Variants in CCDC85A observed in about 807,000 individuals in gnomAD.
CCDC85A encodes coiled-coil domain containing 85A.
CCDC85A carries 38 observed loss-of-function variants against 50.2 expected under a neutral mutation model. The ratio of observed to expected loss-of-function variants is 0.76; its 90% CI spans 0.58 to 0.99. CCDC85A has a LOEUF of 0.99. CCDC85A is among the 50% of genes least tolerant of loss of function. The pLI is 0.00. For missense variants in CCDC85A, 820 were observed against 742.0 expected, an observed-to-expected ratio of 1.11 and a Z score of -1.22; for synonymous variants, 366 against 301.4, an observed-to-expected ratio of 1.21 and a Z score of -2.22.
At position 56,184,808 on chromosome 2, in the gene CCDC85A, GAGA is replaced by G; in HGVS notation, c.187_189del (p.Lys63del). On this transcript the variant is annotated inframe_deletion, in exon 1 of 6. Transcript: ENST00000407595. ...CCGCAGCCTGCGGCGCGCCGAGGCG[GAGA>G]AGGTGAGCGCGATGCTGGACCACAG... is the stretch of plus-strand genomic sequence containing the variant. The G allele has an allele frequency of 6.5e-7, 1 of 1,546,258 alleles. No homozygotes were observed. Among genetic ancestry groups the G allele is most frequent in the South Asian group, 1.2e-5 (1 of 83,760 alleles).
In CCDC85A at chr2:56,301,432, C is replaced by T. The variant is rs4671279; in HGVS notation, c.1241-41447C>T. Among the ~76,000 whole-genome samples the T allele has an allele frequency of 4.1e-3, 620 of 152,230 alleles. 10 individuals carry two copies. The highest frequency in any genetic ancestry group is 0.021 in the Admixed American group (323 of 15,276). Reference sequence around the variant, plus strand: ...ACTATTTTGGCCACTTGTTCTCAATCGTAATTTTTTGAGGCTAAAATCTGG... The same window carrying T: ...ACTATTTTGGCCACTTGTTCTCAATTGTAATTTTTTGAGGCTAAAATCTGG... On this transcript the variant is annotated intron_variant, in intron 2 of 5. Transcript: ENST00000407595.
At chr2:56,298,690 G>A (rs558528714) in intron 2 of CCDC85A, among the ~76,000 whole-genome samples, 21 of 152,286 alleles carry the variant, frequency 1.4e-4, no homozygotes, top group African/African-American at 4.8e-4. Flanking sequence ...AATGGTTTGT[G>A]ATGACATCAC....
At chr2:56,318,667 G>A (rs1277965005) in intron 2 of CCDC85A, among the ~76,000 whole-genome samples, 1 of 151,978 alleles carries the variant, frequency 6.6e-6, no homozygotes, top group Non-Finnish European at 1.5e-5. Flanking sequence ...AGTGTAATTA[G>A]TCAGTTTACT....
At chr2:56,341,846 T>C (rs1005080893) in intron 2 of CCDC85A, among the ~76,000 whole-genome samples, 6 of 152,368 alleles carry the variant, frequency 3.9e-5, no homozygotes, top group African/African-American at 4.8e-5. Context: ...CAAAATTCAT[T>C]CTAACTCTAA....
At chr2:56,360,346 A>C (rs1675463680) in intron 3 of CCDC85A, among the ~76,000 whole-genome samples, 2 of 152,310 alleles carry the variant, frequency 1.3e-5, no homozygotes, top group South Asian at 4.1e-4. Flanking sequence ...GTTGAGGACA[A>C]GTGACTTGCT....
intron 2 of CCDC85A, among the ~76,000 whole-genome samples, chr2:56,317,596 A>C (rs1169425864): frequency 6.6e-6 from 1 of 152,142 alleles, no homozygotes; most frequent in Admixed American, 6.5e-5. Context: ...TTGTATTCAT[A>C]ATTGGAAATT....
chr2:56,185,461 A>C (rs976416569), intron 1 of CCDC85A, among the ~76,000 whole-genome samples: 3 of 152,074 alleles, frequency 2.0e-5, no homozygotes, highest in African/African-American at 7.2e-5. Flanking sequence ...CTCTGCCTTC[A>C]CGTCTTCTCC....
At chr2:56,374,876 C>T (rs879880606) in intron 4 of CCDC85A, among the ~76,000 whole-genome samples, 5 of 152,172 alleles carry the variant, frequency 3.3e-5, no homozygotes, top group South Asian at 2.1e-4. Context: ...GACTCCTCTT[C>T]GGGGTGTTAG....
At chr2:56,261,151 T>G (rs1352477534) in intron 2 of CCDC85A, among the ~76,000 whole-genome samples, 1 of 152,182 alleles carries the variant, frequency 6.6e-6, no homozygotes, top group East Asian at 1.9e-4. Context: ...TTCTCATCTC[T>G]TAAGTGGGGA....
intron 2 of CCDC85A, among the ~76,000 whole-genome samples, chr2:56,240,563 A>G (rs775546117): frequency 5.9e-5 from 9 of 152,172 alleles, no homozygotes; most frequent in East Asian, 1.9e-4. Flanking sequence ...CTTGTAGTCA[A>G]TACCCTCCAC....
Position 56,193,279 on chromosome 2 carries a change from A to G in CCDC85A, c.1079A>G (p.Glu360Gly). Reference protein sequence around the residue: ...HLPRARGTSPEHLKQHYGGSP... With the variant: ...HLPRARGTSPGHLKQHYGGSP... ...CCCAGAGCCAGGGGCACCAGCCCGG[A>G]GCACCTCAAACAACATTATGGAGGG... Residue 360 changes from glutamate to glycine, a missense_variant, in exon 2 of 6, where the codon GAG becomes GGG. Glu to Gly is a moderately conservative substitution (Grantham distance 98). Transcript: ENST00000407595. 1 of 1,613,894 alleles carries G rather than the reference A, an allele frequency of 6.2e-7. No homozygotes were observed. The highest frequency in any genetic ancestry group is 1.7e-5 in the Admixed American group (1 of 59,998).
intron 2 of CCDC85A, among the ~76,000 whole-genome samples, chr2:56,327,363 G>T (rs1341259973): frequency 1.3e-5 from 2 of 152,092 alleles, no homozygotes; most frequent in Non-Finnish European, 2.9e-5. Context: ...TGAATTAAAA[G>T]GGAACACTTC....
At chr2:56,372,825 C>G (rs1158786762) in intron 4 of CCDC85A, among the ~76,000 whole-genome samples, 1 of 152,150 alleles carries the variant, frequency 6.6e-6, no homozygotes, top group Non-Finnish European at 1.5e-5. Context: ...TTAAAATTGT[C>G]TACTGACTGA....
rs887999018 is a variant in CCDC85A, at chr2:56,385,033, T to C, written c.*678T>C. On this transcript the variant is annotated 3_prime_UTR_variant, in exon 6 of 6. Coordinates refer to ENST00000407595, the MANE Select transcript of CCDC85A (RefSeq NM_001080433.2). The stretch of plus-strand genomic sequence containing the variant: ...TATCAGAGAGTACCATTTACTTCAA[T>C]TGATCAATATAAATATATCTTTTTT... 5 of 152,270 alleles carry C rather than the reference T, an allele frequency of 3.3e-5. No individual in the cohort carries two copies. The highest frequency in any genetic ancestry group is 1.2e-4 in the African/African-American group (5 of 41,394). 9.4% of individuals were successfully genotyped at this position (152,270 alleles called of 1,614,324 possible). A position where few individuals can be genotyped will look rare whatever the true frequency, so the allele number is the denominator to read the frequency against.
Position 56,384,452 on chromosome 2 carries a change from T to C in CCDC85A, c.*97T>C. 5.2e-6 allele frequency: 5 copies of C among 958,488 alleles called. No individual in the cohort carries two copies. The highest frequency in any genetic ancestry group is 1.9e-5 in the Admixed American group (1 of 51,412). 59.4% of individuals were successfully genotyped at this position (958,488 alleles called of 1,614,324 possible). The stretch of plus-strand genomic sequence containing the variant: ...GTGGGTTTCCACAAACCTGGACTCA[T>C]GGAATAACATGGAGTGATTGTACAT... On this transcript the variant is annotated 3_prime_UTR_variant, in exon 6 of 6. Coordinates refer to ENST00000407595, the MANE Select transcript of CCDC85A (RefSeq NM_001080433.2).
intron 2 of CCDC85A, among the ~76,000 whole-genome samples, chr2:56,201,299 C>T (rs1425588812): frequency 6.6e-6 from 1 of 152,084 alleles, no homozygotes; most frequent in South Asian, 2.1e-4. Context: ...ATATTTTTAG[C>T]ACCAGTTTTG....
chr2:56,256,009 A>G (rs1490499257), intron 2 of CCDC85A, among the ~76,000 whole-genome samples: 1 of 152,122 alleles, frequency 6.6e-6, no homozygotes, highest in Non-Finnish European at 1.5e-5. Flanking sequence ...AGAGATGAAC[A>G]GATGTACATA....
At chr2:56,378,928 G>C (rs1195200115) in intron 5 of CCDC85A, among the ~76,000 whole-genome samples, 3 of 152,152 alleles carry the variant, frequency 2.0e-5, no homozygotes, top group African/African-American at 7.2e-5. Flanking sequence ...TTTATAAACT[G>C]ATATAGATAA....
chr2:56,256,956 A>G (rs1039084827), intron 2 of CCDC85A, among the ~76,000 whole-genome samples: 1 of 152,212 alleles, frequency 6.6e-6, no homozygotes, highest in African/African-American at 2.4e-5. Flanking sequence ...AAATTGTCAA[A>G]CATGTTTGAG....
Sources: allele counts gnomAD v4.1 joint callset (sites outside exome capture counted in the v4.1 genomes callset), GRCh38; gene constraint gnomAD v4.1.1; transcripts MANE v1.5; gene names NCBI Gene and HGNC (gene_info 2026-07-23, HGNC 2026-07-21).